The following ANKRD30B variants were observed in gnomAD, a reference collection of about 807,000 sequenced individuals.
ANKRD30B encodes the protein ankyrin repeat domain 30B, also known as ankyrin repeat domain-containing protein 30B.
ANKRD30B carries 144 observed loss-of-function variants against 202.2 expected under a neutral mutation model. That is an observed-to-expected ratio of 0.71 (90% confidence interval 0.62 to 0.82). ANKRD30B has a LOEUF of 0.82. Among genes scored for constraint, ANKRD30B ranks in the 40% least tolerant of loss-of-function variants. The pLI is 0.00. For missense variants in ANKRD30B, 1,487 were observed against 1,669.1 expected, an observed-to-expected ratio of 0.89 and a Z score of 1.90; for synonymous variants, 508 against 561.3, an observed-to-expected ratio of 0.91 and a Z score of 1.34.
Position 14,799,985 on chromosome 18 carries a change from A to G in ANKRD30B, c.2131+690A>G, listed in dbSNP as rs143147544. Among the ~76,000 whole-genome samples the G allele has an allele frequency of 1.6e-3, 249 of 152,092 alleles. 4 individuals carry two copies. Among genetic ancestry groups the G allele is most frequent in the Non-Finnish European group, 3.0e-3 (207 of 67,984 alleles). On this transcript the variant is annotated intron_variant, in intron 22 of 43. Transcript: ENST00000690538. ...GTGGCACATGCCTGTAATCCTGGCA[A>G]TTTAGGAGACCAAGGTGGGCAGATT...
chr18:14,889,194 C>T, the ANKRD30B span, among the ~76,000 whole-genome samples: 1 of 151,626 alleles, frequency 6.6e-6, no homozygotes, highest in Non-Finnish European at 1.5e-5. Flanking sequence ...ACCTATTTCC[C>T]CCTAAGTAAC....
At chr18:14,876,333 A>T in the ANKRD30B span, among the ~76,000 whole-genome samples, 1 of 152,196 alleles carries the variant, frequency 6.6e-6, no homozygotes, top group African/African-American at 2.4e-5. Flanking sequence ...CTTGTTGAGT[A>T]AGTAAGTGCT....
intron 30 of ANKRD30B, among the ~76,000 whole-genome samples, chr18:14,821,237 A>G (rs1178722222): frequency 1.3e-5 from 2 of 151,876 alleles, no homozygotes; most frequent in East Asian, 3.9e-4. Flanking sequence ...TATTGCATCT[A>G]TTTGATTCTT....
intron 9 of ANKRD30B, among the ~76,000 whole-genome samples, chr18:14,773,765 C>T (rs1473150544): frequency 1.3e-5 from 2 of 151,730 alleles, no homozygotes; most frequent in Non-Finnish European, 2.9e-5. Flanking sequence ...AAGCAATTCT[C>T]CTGCCTCAGC....
chr18:14,771,999 T>C (rs895673254), intron 8 of ANKRD30B, among the ~76,000 whole-genome samples, 157 bp from the exon 9 acceptor site: 1 of 152,236 alleles, frequency 6.6e-6, no homozygotes, highest in Non-Finnish European at 1.5e-5. Context: ...ATTTTAATTC[T>C]ACCAAGAAAC....
At chr18:14,793,822 A>T (rs1013814315) in intron 16 of ANKRD30B, among the ~76,000 whole-genome samples, 5 of 149,514 alleles carry the variant, frequency 3.3e-5, no homozygotes, top group Non-Finnish European at 7.4e-5. Flanking sequence ...TGAACCCGGG[A>T]GGTGGAGCTT....
chr18:14,831,196 A>AAAAAAAAAC (rs1970917725), intron 33 of ANKRD30B, among the ~76,000 whole-genome samples, 187 bp from the exon 34 acceptor site: 1 of 150,968 alleles, frequency 6.6e-6, no homozygotes, highest in Non-Finnish European at 1.5e-5. Context: ...AAAAAAAAAA[A>AAAAAAAAAC]AAAACGAAAA....
chr18:14,748,761 G>C, intron 1 of ANKRD30B, 121 bp downstream of exon 1: 1 of 1,097,880 alleles, frequency 9.1e-7, no homozygotes. Flanking sequence ...AGTGGCGGGC[G>C]ATGGGGCGGC....
At chr18:14,793,094 G>C (rs71364863) in intron 16 of ANKRD30B, among the ~76,000 whole-genome samples, 78 of 152,248 alleles carry the variant, frequency 5.1e-4, no homozygotes, top group Middle Eastern at 3.4e-3. Flanking sequence ...CTTCCTCCAT[G>C]AGTTGATCAA....
At chr18:14,873,641 C>G in the ANKRD30B span, among the ~76,000 whole-genome samples, 2,232 of 151,756 alleles carry the variant, frequency 0.015, 63 homozygotes, top group African/African-American at 0.052. Flanking sequence ...TTTCAGTTCT[C>G]TAAACCCCCA....
chr18:14,762,703 T>C (rs75442654), intron 6 of ANKRD30B, among the ~76,000 whole-genome samples: 45 of 152,158 alleles, frequency 3.0e-4, no homozygotes, highest in Admixed American at 9.8e-4. Context: ...CAAAAAATTA[T>C]AAAAAAATTA....
chr18:14,769,302 T>C, intron 7 of ANKRD30B, 41 bp from the exon 8 acceptor site: 2 of 1,392,118 alleles, frequency 1.4e-6, no homozygotes, highest in Non-Finnish European at 2.0e-6. Flanking sequence ...TTTCTATTTA[T>C]ATTTGTTAAT....
chr18:14,797,991 G>A, intron 20 of ANKRD30B, 137 bp downstream of exon 20: 2 of 943,678 alleles, frequency 2.1e-6, no homozygotes, highest in Non-Finnish European at 3.1e-6. Context: ...GCCAATGTTA[G>A]TATTTATGTT....
chr18:14,853,311 T>A (rs1034093412), intron 42 of ANKRD30B, among the ~76,000 whole-genome samples: 3 of 151,820 alleles, frequency 2.0e-5, no homozygotes, highest in Non-Finnish European at 2.9e-5. Context: ...AAGAAGTGAG[T>A]AGAGGAGAGA....
At chr18:14,796,295 A>C (rs764468145) in intron 17 of ANKRD30B, 46 bp downstream of exon 17, 6 of 1,610,150 alleles carry the variant, frequency 3.7e-6, no homozygotes, top group Non-Finnish European at 5.1e-6. Flanking sequence ...TACATATTTT[A>C]GGAAGCATAT....
At chr18:14,890,833 C>T in the ANKRD30B span, among the ~76,000 whole-genome samples, 11 of 151,084 alleles carry the variant, frequency 7.3e-5, no homozygotes, top group East Asian at 1.4e-3. Flanking sequence ...ATTATGAATC[C>T]GGTTTATATA....
chr18:14,897,564 GA>G, the ANKRD30B span, among the ~76,000 whole-genome samples: 2 of 151,906 alleles, frequency 1.3e-5, no homozygotes, highest in African/African-American at 2.4e-5. Flanking sequence ...TAGATGTTAT[GA>G]AAAAAATTAA....
At chr18:14,773,134 A>G (rs193165416) in intron 9 of ANKRD30B, among the ~76,000 whole-genome samples, 1 of 152,304 alleles carries the variant, frequency 6.6e-6, no homozygotes, top group Admixed American at 6.5e-5. Flanking sequence ...GAGACTCTGA[A>G]TAAGCATATA....
At chr18:14,932,165 A>G in the ANKRD30B span, among the ~76,000 whole-genome samples, 1 of 151,018 alleles carries the variant, frequency 6.6e-6, no homozygotes. Context: ...CTGTCGGCCC[A>G]GCCTCCCAGC....
Sources: gnomAD v4.1 joint callset for allele counts (sites outside exome capture counted in the v4.1 genomes callset) on GRCh38, gnomAD v4.1.1 for gene constraint, MANE v1.5 for transcripts, NCBI Gene and HGNC (gene_info 2026-07-23, HGNC 2026-07-21) for gene names.